Variants in CD200R1 observed in about 807,000 individuals in gnomAD.
The protein encoded by CD200R1 is CD200 receptor 1.
Under a neutral mutation model 38.1 loss-of-function variants are expected in CD200R1, and 30 were observed. The ratio of observed to expected loss-of-function variants is 0.79; its 90% confidence interval spans 0.59 to 1.07. The LOEUF (loss-of-function observed/expected upper bound fraction) is 1.07, where lower values mean the gene tolerates loss of function less well. Among genes scored for constraint, CD200R1 ranks in the 50% least tolerant of loss-of-function variants. The pLI is 0.00. For synonymous variants in CD200R1, 128 were observed against 152.1 expected, an observed-to-expected ratio of 0.84 and a Z score of 1.16; for missense variants, 372 against 415.4, an observed-to-expected ratio of 0.90 and a Z score of 0.91.
intron 2 of CD200R1, among the ~76,000 whole-genome samples, chr3:112,938,778 A>G (rs778279731): frequency 7.9e-5 from 12 of 152,122 alleles, no homozygotes; most frequent in Non-Finnish European, 5.9e-5. Context: ...GTCAAAACTC[A>G]TTTGACAAGC....
chr3:112,943,429 A>AGAG (rs1940771838), intron 2 of CD200R1, among the ~76,000 whole-genome samples: 1 of 151,778 alleles, frequency 6.6e-6, no homozygotes, highest in Non-Finnish European at 1.5e-5. Flanking sequence ...TTTTTAAATA[A>AGAG]ATGAAAATGA....
rs1053656542 is a variant in CD200R1, at chr3:112,947,706, T to C, written c.136+150A>G. 3 of 514,436 alleles carry C rather than the reference T, an allele frequency of 5.8e-6. No homozygotes were observed. In the South Asian group the frequency reaches 1.1e-4, roughly 18 times the overall value. 31.9% of individuals were successfully genotyped at this position (514,436 alleles called of 1,614,324 possible). A position where few individuals can be genotyped will look rare whatever the true frequency, so the allele number is the denominator to read the frequency against. Reference sequence around the variant, plus strand: ...GTACTAAATAAGCATAGAAATAATTTCAGAATGAAAAATTTATTAACACTC... The same window carrying C: ...GTACTAAATAAGCATAGAAATAATTCCAGAATGAAAAATTTATTAACACTC... On this transcript the variant is annotated intron_variant, in intron 2 of 7. Coordinates refer to ENST00000308611, the MANE Select transcript of CD200R1 (RefSeq NM_138806.4).
At position 112,929,503 on chromosome 3, in the gene CD200R1, GT is replaced by G; in HGVS notation, c.206del (p.Asn69ThrfsTer6). 1 of 1,606,272 alleles carries G rather than the reference GT, an allele frequency of 6.2e-7. No individual in the cohort carries two copies. The highest frequency in any genetic ancestry group is 8.5e-7 in the Non-Finnish European group (1 of 1,177,210). On this transcript the variant is annotated frameshift_variant, in exon 4 of 8. Coordinates refer to ENST00000308611, the MANE Select transcript of CD200R1 (RefSeq NM_138806.4). LOFTEE classifies it high-confidence loss of function. ...TAGCCATCTTTACAGGCCATGAAGTGTTAACTGGACATGAAAAGAGAATGAT... is the reference window on the plus strand; with the variant it reads ...TAGCCATCTTTACAGGCCATGAAGTGTAACTGGACATGAAAAGAGAATGAT... ...QNYSKVLAEV[N>X]TSWPVKMATN...
At chr3:112,968,649 C>G (rs943905723) in intron 1 of CD200R1, among the ~76,000 whole-genome samples, 3 of 152,162 alleles carry the variant, frequency 2.0e-5, no homozygotes, top group African/African-American at 7.2e-5. Flanking sequence ...TCTGAAGAAC[C>G]AGCAGGCAGA....
intron 1 of CD200R1, among the ~76,000 whole-genome samples, chr3:112,968,253 T>C (rs1397539652): frequency 1.3e-5 from 2 of 152,132 alleles, no homozygotes; most frequent in Non-Finnish European, 2.9e-5. Flanking sequence ...ATGGGTAACA[T>C]TTAGAAAGCA....
At chr3:112,963,037 T>C (rs1933061774) in intron 1 of CD200R1, among the ~76,000 whole-genome samples, 2 of 152,226 alleles carry the variant, frequency 1.3e-5, no homozygotes, top group African/African-American at 4.8e-5. Flanking sequence ...CTGACGGTTT[T>C]AAAAACAGGA....
chr3:112,948,780 A>G (rs1940917858), intron 1 of CD200R1, among the ~76,000 whole-genome samples: 1 of 152,230 alleles, frequency 6.6e-6, no homozygotes, highest in African/African-American at 2.4e-5. Flanking sequence ...TTGGTAGTAC[A>G]CATCTTTTAA....
intron 1 of CD200R1, among the ~76,000 whole-genome samples, chr3:112,957,117 C>T (rs766630327): frequency 2.0e-5 from 3 of 152,188 alleles, no homozygotes; most frequent in Non-Finnish European, 4.4e-5. Flanking sequence ...TATTTCTCAT[C>T]ACACTGTGCT....
chr3:112,933,671 G>T (rs377082404), intron 2 of CD200R1, among the ~76,000 whole-genome samples: 1 of 151,726 alleles, frequency 6.6e-6, no homozygotes, highest in African/African-American at 2.4e-5. Context: ...GCCAGAAGAA[G>T]AATTCAAAAT....
chr3:112,964,800 C>A (rs1350406987), intron 1 of CD200R1, among the ~76,000 whole-genome samples: 1 of 152,130 alleles, frequency 6.6e-6, no homozygotes, highest in Non-Finnish European at 1.5e-5. Context: ...GGTCCAGGGG[C>A]AGAATGATAT....
chr3:112,970,386 T>C (rs1156147), intron 1 of CD200R1, among the ~76,000 whole-genome samples: 5,224 of 152,264 alleles, frequency 0.034, 206 homozygotes, highest in Admixed American at 0.12. Flanking sequence ...GTGTCTATTA[T>C]ATGAATTATA....
At position 112,922,603 on chromosome 3, in the gene CD200R1, A is replaced by G. The variant is rs1940195634; in HGVS notation, c.*1074T>C. 1 of 152,038 alleles carries G rather than the reference A, an allele frequency of 6.6e-6. No individual in the cohort carries two copies. The highest frequency in any genetic ancestry group is 2.4e-5 in the African/African-American group (1 of 41,462). The allele number at this position is 152,038 out of a possible 1,614,324, so 9.4% of individuals were successfully genotyped here. On this transcript the variant is annotated 3_prime_UTR_variant, in exon 8 of 8. Transcript: ENST00000308611. The stretch of plus-strand genomic sequence containing the variant: ...TCTGCAAAACTGTTAGGCATCAAGT[A>G]TCAACACCTCTGTGGAGATATAATG...
At chr3:112,948,711 G>C (rs1466859228) in intron 1 of CD200R1, among the ~76,000 whole-genome samples, 2 of 152,188 alleles carry the variant, frequency 1.3e-5, no homozygotes, top group Non-Finnish European at 2.9e-5. Context: ...TTGGGGACCC[G>C]TGATATAGAC....
chr3:112,947,947 G>C (rs116078143), intron 1 of CD200R1, 23 bp from the exon 2 acceptor site: 4 of 1,504,978 alleles, frequency 2.7e-6, no homozygotes, highest in African/African-American at 1.4e-5. Flanking sequence ...AAAGACATAG[G>C]GGGTAGAGAG....
At chr3:112,971,329 T>A (rs1200890192) in intron 1 of CD200R1, among the ~76,000 whole-genome samples, 1 of 152,220 alleles carries the variant, frequency 6.6e-6, no homozygotes. Flanking sequence ...TGAAATCATC[T>A]ATTTTTTCCC....
chr3:112,964,400 G>A (rs1933104352), intron 1 of CD200R1, among the ~76,000 whole-genome samples: 1 of 152,194 alleles, frequency 6.6e-6, no homozygotes, highest in Non-Finnish European at 1.5e-5. Flanking sequence ...AAAGCCACAG[G>A]GGCAGAGCTA....
In CD200R1 at chr3:112,974,801, G is replaced by A. The variant is rs1167566582; in HGVS notation, c.57C>T (p.Phe19=). The change falls in exon 1 of 8, where the codon TTC becomes TTT. Residue 19 remains phenylalanine, a synonymous_variant. Transcript: ENST00000308611. ...AGAATTCAAACTTACCGGCCACTAA[G>A]AAGATAGTCAAAATCAACAGTAGCC... is the stretch of plus-strand genomic sequence containing the variant. The part of the protein sequence containing the change: ...NLGLLLILTI[F]LVAEAEGAAQ... 6.3e-7 allele frequency: 1 copy of A among 1,589,890 alleles called. No homozygotes were observed. The highest frequency in any genetic ancestry group is 1.7e-5 in the Admixed American group (1 of 59,576).
At chr3:112,973,345 T>C (rs959656652) in intron 1 of CD200R1, among the ~76,000 whole-genome samples, 4 of 152,216 alleles carry the variant, frequency 2.6e-5, no homozygotes, top group Non-Finnish European at 5.9e-5. Context: ...CTTGACTTTT[T>C]TCACTGATGC....
chr3:112,961,233 T>C (rs530229963), intron 1 of CD200R1, among the ~76,000 whole-genome samples: 6 of 152,102 alleles, frequency 3.9e-5, no homozygotes, highest in Non-Finnish European at 8.8e-5. Flanking sequence ...TATGAGAATG[T>C]AGTATCTGAT....
Sources: gnomAD v4.1 joint callset for allele counts (sites outside exome capture counted in the v4.1 genomes callset) on GRCh38, gnomAD v4.1.1 for gene constraint, MANE v1.5 for transcripts, NCBI Gene and HGNC (gene_info 2026-07-23, HGNC 2026-07-21) for gene names.